The following LTBP1 variants were observed in gnomAD, a reference collection of about 807,000 sequenced individuals.
The protein encoded by LTBP1 is latent-transforming growth factor beta-binding protein 1.
A neutral mutation model predicts 207.6 loss-of-function variants in LTBP1; 129 were observed. The ratio of observed to expected loss-of-function variants is 0.62; its 90% CI spans 0.54 to 0.72. The LOEUF (loss-of-function observed/expected upper bound fraction) is 0.72, where lower values mean the gene tolerates loss of function less well. LTBP1 is among the 30% of genes least tolerant of loss of function. LTBP1 has a pLI of 0.00. For synonymous variants in LTBP1, 963 were observed against 833.7 expected, an observed-to-expected ratio of 1.16 and a Z score of -2.67; for missense variants, 2,281 against 2,217.2, an observed-to-expected ratio of 1.03 and a Z score of -0.58.
intron 24 of LTBP1, among the ~76,000 whole-genome samples, chr2:33,332,152 A>G (rs1366749844): frequency 6.6e-6 from 1 of 152,084 alleles, no homozygotes; most frequent in Non-Finnish European, 1.5e-5. Context: ...AGGGTGGAAT[A>G]TATATTTATA....
intron 9 of LTBP1, among the ~76,000 whole-genome samples, chr2:33,225,667 G>A (rs967760242): frequency 1.3e-5 from 2 of 152,078 alleles, no homozygotes; most frequent in African/African-American, 4.8e-5. Flanking sequence ...ATTTGGGTGG[G>A]GATACAGCCA....
At chr2:32,979,176 T>A (rs1248661700) in intron 2 of LTBP1, among the ~76,000 whole-genome samples, 3 of 151,534 alleles carry the variant, frequency 2.0e-5, no homozygotes, top group African/African-American at 4.8e-5. Context: ...ATATATATAT[T>A]TTTTTCATTT....
chr2:33,311,913 A>G (rs1445263009), intron 23 of LTBP1, among the ~76,000 whole-genome samples: 1 of 152,202 alleles, frequency 6.6e-6, no homozygotes, highest in Non-Finnish European at 1.5e-5. Flanking sequence ...ATTTTCCAGA[A>G]TAAGTTAATA....
intron 3 of LTBP1, among the ~76,000 whole-genome samples, chr2:33,025,910 A>AGT (rs1288984091): frequency 6.6e-6 from 1 of 152,174 alleles, no homozygotes; most frequent in Non-Finnish European, 1.5e-5. Flanking sequence ...TATAGTCCTG[A>AGT]GTGTGGTCCT....
At chr2:33,010,016 G>T (rs568598600) in intron 2 of LTBP1, among the ~76,000 whole-genome samples, 2 of 152,236 alleles carry the variant, frequency 1.3e-5, no homozygotes, top group South Asian at 4.2e-4. Context: ...ACATTTGGAG[G>T]GTGGGGAGAG....
At chr2:33,348,129 G>T (rs192331225) in intron 26 of LTBP1, among the ~76,000 whole-genome samples, 251 of 152,264 alleles carry the variant, frequency 1.6e-3, no homozygotes, top group African/African-American at 5.9e-3. Flanking sequence ...GTGCCATGTA[G>T]CTATAGCTTG....
intron 24 of LTBP1, among the ~76,000 whole-genome samples, chr2:33,334,669 T>C (rs1270440320): frequency 6.6e-6 from 1 of 152,152 alleles, no homozygotes; most frequent in Non-Finnish European, 1.5e-5. Flanking sequence ...TCTTTAACTG[T>C]AGATGGTGAA....
chr2:33,144,289 C>G (rs900359091), intron 5 of LTBP1, among the ~76,000 whole-genome samples: 4 of 152,166 alleles, frequency 2.6e-5, no homozygotes, highest in Admixed American at 2.0e-4. Flanking sequence ...AGGTTCTGTA[C>G]TTGTTTACAC....
At chr2:33,042,803 T>A (rs2076254408) in intron 3 of LTBP1, among the ~76,000 whole-genome samples, 1 of 152,216 alleles carries the variant, frequency 6.6e-6, no homozygotes, top group South Asian at 2.1e-4. Flanking sequence ...ATTTATGTTG[T>A]TACGCTAATA....
intron 26 of LTBP1, among the ~76,000 whole-genome samples, chr2:33,348,207 A>AT (rs200502514): frequency 1.2e-4 from 18 of 151,040 alleles, no homozygotes; most frequent in East Asian, 3.9e-4. Context: ...AACATAGACC[A>AT]TTTTTTTTTC....
At chr2:33,063,520 AT>A (rs1312330057) in intron 3 of LTBP1, among the ~76,000 whole-genome samples, 1 of 152,166 alleles carries the variant, frequency 6.6e-6, no homozygotes, top group African/African-American at 2.4e-5. Flanking sequence ...TTATTTTAAC[AT>A]TTAATGGGCT....
intron 3 of LTBP1, among the ~76,000 whole-genome samples, chr2:33,096,478 T>G (rs2079395475): frequency 6.6e-6 from 1 of 152,184 alleles, no homozygotes; most frequent in South Asian, 2.1e-4. Flanking sequence ...TGTAAAAATG[T>G]AAGATTTTTG....
chr2:33,361,600 T>A, intron 28 of LTBP1, 85 bp downstream of exon 28: 1 of 949,096 alleles, frequency 1.1e-6, no homozygotes. Context: ...TTTCACAGAA[T>A]TAGAGTTCTT....
intron 4 of LTBP1, among the ~76,000 whole-genome samples, chr2:33,127,526 C>T (rs566201221): frequency 2.6e-5 from 4 of 152,304 alleles, no homozygotes; most frequent in Admixed American, 6.5e-5. Context: ...TTCCAACCCC[C>T]GTATTCCATT....
chr2:33,060,043 G>T (rs1055895752), intron 3 of LTBP1, among the ~76,000 whole-genome samples: 8 of 152,208 alleles, frequency 5.3e-5, no homozygotes, highest in African/African-American at 1.9e-4. Context: ...CAATGTCAAA[G>T]ATTTTTTTCA....
intron 3 of LTBP1, among the ~76,000 whole-genome samples, chr2:33,051,885 G>A (rs1451975640): frequency 1.3e-5 from 2 of 152,202 alleles, no homozygotes; most frequent in African/African-American, 4.8e-5. Flanking sequence ...AAAGACATAG[G>A]CACATACTTT....
At chr2:33,158,162 AAAAG>A (rs1357611550) in intron 5 of LTBP1, among the ~76,000 whole-genome samples, 10 of 140,732 alleles carry the variant, frequency 7.1e-5, no homozygotes, top group Non-Finnish European at 1.1e-4. Flanking sequence ...AAAAAAAAAA[AAAAG>A]AGAGAGAGAG....
chr2:32,971,468 A>T (rs950732885), intron 2 of LTBP1, among the ~76,000 whole-genome samples: 3 of 152,088 alleles, frequency 2.0e-5, no homozygotes, highest in African/African-American at 7.2e-5. Context: ...AAATTATTCC[A>T]TGCCTAGTTT....
At chr2:33,285,841 C>G (rs544634107) in intron 19 of LTBP1, 2 of 151,610 alleles carry the variant, frequency 1.3e-5, no homozygotes, top group Non-Finnish European at 2.9e-5. Flanking sequence ...GCTTAGCTTC[C>G]AAGGTCAGAC....
Sources: allele counts gnomAD v4.1 joint callset (sites outside exome capture counted in the v4.1 genomes callset), GRCh38; gene constraint gnomAD v4.1.1; transcripts MANE v1.5; gene names NCBI Gene and HGNC (gene_info 2026-07-23, HGNC 2026-07-21).